PODXL: variants seen among roughly 807,000 people sequenced by gnomAD.
The protein encoded by PODXL is podocalyxin.
PODXL carries 20 observed loss-of-function variants against 48.9 expected under a neutral mutation model. That is an observed-to-expected ratio of 0.41 (90% CI 0.29 to 0.59). The LOEUF (loss-of-function observed/expected upper bound fraction) is 0.59, where lower values mean the gene tolerates loss of function less well. Among genes scored for constraint, PODXL ranks in the 20% least tolerant of loss-of-function variants. The probability of loss-of-function intolerance (pLI) is 0.31; values close to 1 mark genes in which losing one functional copy is unlikely to be tolerated. For missense variants in PODXL, 606 were observed against 675.1 expected (o/e 0.90, Z 1.13); for synonymous variants, 295 against 287.4 (o/e 1.03, Z -0.27).
chr7:131,526,717 T>C (rs1167580712), intron 1 of PODXL, among the ~76,000 whole-genome samples: 2 of 145,150 alleles, frequency 1.4e-5, no homozygotes, highest in Non-Finnish European at 3.0e-5. Context: ...ACACATATTG[T>C]TCAATCCACA....
chr7:131,545,210 C>T (rs1469068580), intron 1 of PODXL, among the ~76,000 whole-genome samples: 5 of 152,228 alleles, frequency 3.3e-5, no homozygotes, highest in African/African-American at 9.7e-5. Context: ...TGAGAAGCAA[C>T]ACCACTGCAA....
intron 1 of PODXL, among the ~76,000 whole-genome samples, chr7:131,531,720 T>C (rs1798283093): frequency 6.6e-6 from 1 of 152,192 alleles, no homozygotes; most frequent in Admixed American, 6.5e-5. Flanking sequence ...AGGACACTTG[T>C]CATTGGATTT....
intron 1 of PODXL, among the ~76,000 whole-genome samples, chr7:131,543,371 C>T (rs1798514383): frequency 6.6e-6 from 1 of 152,148 alleles, no homozygotes; most frequent in South Asian, 2.1e-4. Context: ...AACGATCCTC[C>T]TGCCTCGGCC....
Position 131,556,468 on chromosome 7 carries a change from C to G in PODXL, c.-109G>C. On this transcript the variant is annotated 5_prime_UTR_variant, in exon 1 of 9. Transcript: ENST00000378555. ...CGCCCGGGGAGGCCTGTGGGTGGCT[C>G]CGGAGGCCAGGCTGTGGCCCGGGGC... 1 of 1,243,880 alleles carries G rather than the reference C, an allele frequency of 8.0e-7. No individual in the cohort carries two copies. The highest frequency in any genetic ancestry group is 1.6e-5 in the African/African-American group (1 of 64,104). The allele number at this position is 1,243,880 out of a possible 1,614,324, so 77.1% of individuals were successfully genotyped here.
At chr7:131,520,308 C>G in intron 1 of PODXL, 1 of 527,484 alleles carries the variant, frequency 1.9e-6, no homozygotes, top group Admixed American at 2.1e-5. Flanking sequence ...GAGATGGGAA[C>G]TCCAGATGTG....
intron 5 of PODXL, among the ~76,000 whole-genome samples, chr7:131,507,813 C>G (rs1430899413): frequency 6.6e-6 from 1 of 152,218 alleles, no homozygotes; most frequent in Non-Finnish European, 1.5e-5. Flanking sequence ...AAGCCCAGCC[C>G]TAGGAGAGCA....
At chr7:131,511,527 G>T in intron 1 of PODXL, 94 bp from the exon 2 acceptor site, 1 of 1,326,446 alleles carries the variant, frequency 7.5e-7, no homozygotes, top group East Asian at 2.3e-5. Context: ...GGCCTTGCTC[G>T]CAGCCCTGCT....
At position 131,511,351 on chromosome 7, in the gene PODXL, G is replaced by A. The variant is rs762194096; in HGVS notation, c.183C>T (p.Ala61=). Residue 61 remains alanine (A), a synonymous_variant, in exon 2 of 9, where the codon GCC becomes GCT. Coordinates refer to ENST00000378555, the MANE Select transcript of PODXL (RefSeq NM_001018111.3). ...TGGAAGTGGGGACTGTGCTCTGCTG[G>A]GCTGTATCTGTAGCCATGATGGTGA... ...SSVTIMATDT[A]QQSTVPTSKA... 6.2e-7 allele frequency: 1 copy of A among 1,611,270 alleles called. No homozygotes were observed.
At chr7:131,544,499 C>A (rs1798532952) in intron 1 of PODXL, among the ~76,000 whole-genome samples, 1 of 152,216 alleles carries the variant, frequency 6.6e-6, no homozygotes, top group Non-Finnish European at 1.5e-5. Context: ...TCTAGAACCC[C>A]AGCCATGGAG....
chr7:131,526,822 G>A (rs931908221), intron 1 of PODXL, among the ~76,000 whole-genome samples: 1 of 134,660 alleles, frequency 7.4e-6, no homozygotes, highest in African/African-American at 2.9e-5. Flanking sequence ...TATAGCCTCC[G>A]CCTCCTGGGT....
intron 5 of PODXL, 110 bp from the exon 6 acceptor site, chr7:131,506,836 C>T: frequency 1.7e-6 from 2 of 1,183,376 alleles, no homozygotes; most frequent in Admixed American, 3.8e-5. Context: ...GTGCTAGAAC[C>T]TGCCTCCCTC....
At chr7:131,506,891 G>A in intron 5 of PODXL, 165 bp from the exon 6 acceptor site, 1 of 682,662 alleles carries the variant, frequency 1.5e-6, no homozygotes, top group Non-Finnish European at 2.5e-6. Context: ...AGGAATCAAG[G>A]GTTGCATGCT....
chr7:131,539,850 C>A (rs1798446356), intron 1 of PODXL, among the ~76,000 whole-genome samples: 2 of 152,190 alleles, frequency 1.3e-5, no homozygotes. Flanking sequence ...GCCTCACTCA[C>A]ATGCTGGAAC....
intron 1 of PODXL, among the ~76,000 whole-genome samples, chr7:131,546,752 A>T (rs1005011750): frequency 1.6e-5 from 2 of 124,798 alleles, no homozygotes; most frequent in African/African-American, 5.8e-5. Flanking sequence ...AAAAAAAAAA[A>T]GTCTGTTTTG....
At chr7:131,527,673 T>C (rs1352776235) in intron 1 of PODXL, among the ~76,000 whole-genome samples, 1 of 152,194 alleles carries the variant, frequency 6.6e-6, no homozygotes, top group Non-Finnish European at 1.5e-5. Flanking sequence ...CAACTCTTTC[T>C]CAAATGCTAG....
At chr7:131,539,529 C>A (rs1194527887) in intron 1 of PODXL, among the ~76,000 whole-genome samples, 1 of 152,182 alleles carries the variant, frequency 6.6e-6, no homozygotes, top group Non-Finnish European at 1.5e-5. Flanking sequence ...TGGGGTGTCG[C>A]CACGTTGGCC....
At chr7:131,550,870 T>C (rs980880760) in intron 1 of PODXL, among the ~76,000 whole-genome samples, 2 of 152,094 alleles carry the variant, frequency 1.3e-5, no homozygotes, top group African/African-American at 4.8e-5. Context: ...CTTGGGCGAA[T>C]GAACCCACCT....
rs917197347 is a variant in PODXL, at chr7:131,503,165, T to A, written c.*1146A>T. On this transcript the variant is annotated 3_prime_UTR_variant, in exon 9 of 9. Coordinates refer to ENST00000378555, the MANE Select transcript of PODXL (RefSeq NM_001018111.3). The stretch of plus-strand genomic sequence containing the variant: ...AACTCTCAGCAACTTGAAATGTCCC[T>A]GAGTTTCCTATGATATACAGGGGAA... 1 of 152,692 alleles carries A rather than the reference T, an allele frequency of 6.5e-6. No homozygotes were observed. The highest frequency in any genetic ancestry group is 1.5e-5 in the Non-Finnish European group (1 of 68,070). The allele number at this position is 152,692 out of a possible 1,614,324, so 9.5% of individuals were successfully genotyped here.
chr7:131,542,072 T>A (rs535042313), intron 1 of PODXL, among the ~76,000 whole-genome samples: 18 of 152,278 alleles, frequency 1.2e-4, no homozygotes, highest in Non-Finnish European at 1.2e-4. Context: ...TCCAAGAAAC[T>A]GGGAGCAAAA....
Sources: allele counts gnomAD v4.1 joint callset (sites outside exome capture counted in the v4.1 genomes callset), GRCh38; gene constraint gnomAD v4.1.1; transcripts MANE v1.5; gene names NCBI Gene and HGNC (gene_info 2026-07-23, HGNC 2026-07-21).